Variants in AURKB observed in about 807,000 individuals in gnomAD.
AURKB encodes aurora kinase B.
In AURKB, 28 loss-of-function variants were observed where a neutral mutation model predicts 36.5. That is an observed-to-expected ratio of 0.77 (90% CI 0.57 to 1.05). The LOEUF is 1.05. Among genes scored for constraint, AURKB ranks in the 50% least tolerant of loss-of-function variants. The pLI is 0.00. For missense variants in AURKB, 383 were observed against 447.4 expected, an observed-to-expected ratio of 0.86 and a Z score of 1.30; for synonymous variants, 175 against 172.9, an observed-to-expected ratio of 1.01 and a Z score of -0.09.
Position 8,206,373 on chromosome 17 carries a change from C to T in AURKB, c.686+118G>A, listed in dbSNP as rs1230060509. On this transcript the variant is annotated intron_variant, in intron 7 of 8. Coordinates refer to ENST00000585124, the MANE Select transcript of AURKB (RefSeq NM_004217.4). The surrounding 1 kb of genome is among the most constrained non-coding windows in gnomAD (Gnocchi z 4.2). Reference sequence around the variant, plus strand: ...CTCGAACTCCTGACCTCAGGTGATCCGCCCTCCTCGGCCTCCCAAAGTGCT... The same window carrying T: ...CTCGAACTCCTGACCTCAGGTGATCTGCCCTCCTCGGCCTCCCAAAGTGCT... 47 of 1,280,366 alleles carry T rather than the reference C, an allele frequency of 3.7e-5. No homozygotes were observed. The highest frequency in any genetic ancestry group is 4.5e-5 in the Non-Finnish European group (42 of 934,308). The allele number at this position is 1,280,366 out of a possible 1,614,324, so 79.3% of individuals were successfully genotyped here. A position where few individuals can be genotyped will look rare whatever the true frequency, so the allele number is the denominator to read the frequency against.
In AURKB at chr17:8,206,909, G is replaced by A. The variant is rs953149358; in HGVS notation, c.399-21C>T. 6 of 1,613,946 alleles carry A rather than the reference G, an allele frequency of 3.7e-6. No homozygotes were observed. In the African/African-American group the frequency reaches 6.7e-5, roughly 18 times the overall value. On this transcript the variant is annotated intron_variant, in intron 5 of 8. Transcript: ENST00000585124. The surrounding 1 kb of genome is among the most constrained non-coding windows in gnomAD (Gnocchi z 4.2). ...GATGGCTGGGGGAAGAGACAGAGGA[G>A]GCCTCAGGCCAAAGGCATAAAAGAG...
chr17:8,210,020 C>G, intron 2 of AURKB, 157 bp downstream of exon 2: 1 of 952,010 alleles, frequency 1.1e-6, no homozygotes, highest in East Asian at 2.5e-5. Flanking sequence ...CTACAAATGA[C>G]CAGAGCGGGT....
Position 8,204,895 on chromosome 17 carries a change from G to C in AURKB, c.1011C>G (p.Pro337=). 6.2e-7 allele frequency: 1 copy of C among 1,609,040 alleles called. No individual in the cohort carries two copies. Among genetic ancestry groups the C allele is most frequent in the Non-Finnish European group, 8.5e-7 (1 of 1,178,856 alleles). ...VRANSRRVLP[P]SALQSVA ...ATCAGGCGACAGATTGAAGGGCAGA[G>C]GGAGGCAGCACCCTCCGAGAGTTGG... Residue 337 remains proline, a synonymous_variant, in exon 9 of 9, where the codon CCC becomes CCG. Transcript: ENST00000585124.
At chr17:8,209,891 C>A in intron 2 of AURKB, 1 of 514,444 alleles carries the variant, frequency 1.9e-6, no homozygotes, top group Admixed American at 3.9e-5. Flanking sequence ...GCCTGAAGGC[C>A]AGGCCCTGCC....
chr17:8,209,295 G>T, intron 2 of AURKB, among the ~76,000 whole-genome samples: 1 of 152,228 alleles, frequency 6.6e-6, no homozygotes, highest in East Asian at 1.9e-4. Context: ...ACAGGCGTGA[G>T]CCACCTACCT....
Position 8,204,828 on chromosome 17 carries a change from A to C in AURKB, c.*43T>G. On this transcript the variant is annotated 3_prime_UTR_variant, in exon 9 of 9. Transcript: ENST00000585124. ...GATCCCTTCTTTCCCCTATACATAC[A>C]CAGACATACAAACACACGCACCCGA... The C allele has an allele frequency of 6.2e-7, 1 of 1,606,194 alleles. No individual in the cohort carries two copies. The highest frequency in any genetic ancestry group is 2.2e-5 in the East Asian group (1 of 44,844).
Position 8,207,764 on chromosome 17 carries a change from A to G in AURKB, c.125T>C (p.Met42Thr), listed in dbSNP as rs764267429. Residue 42 changes from methionine (M) to threonine (T), a missense_variant, in exon 3 of 9, where the codon ATG becomes ACG. Physicochemically the swap from Met to Thr is moderately conservative, Grantham distance 81 (BLOSUM62 -1). Coordinates refer to ENST00000585124, the MANE Select transcript of AURKB (RefSeq NM_004217.4). ...EPVTPSALVL[M>T]SRSNVQPTAA... ...TGTGGGCTGGACATTGGAGCGGCTC[A>G]TGAGGACAAGTGCAGATGGGGTGAC... The G allele has an allele frequency of 7.4e-6, 12 of 1,614,126 alleles. No homozygotes were observed. Among genetic ancestry groups the G allele is most frequent in the South Asian group, 2.2e-5 (2 of 91,076 alleles).
chr17:8,206,598 C>G lies in AURKB; in HGVS notation c.579G>C (p.Gly193=). 2 of 1,614,220 alleles carry G rather than the reference C, an allele frequency of 1.2e-6. No homozygotes were observed. Among genetic ancestry groups the G allele is most frequent in the Non-Finnish European group, 1.7e-6 (2 of 1,180,038 alleles). The change falls in exon 7 of 9, where the codon GGG becomes GGC. Residue 193 remains glycine, a synonymous_variant. Coordinates refer to ENST00000585124, the MANE Select transcript of AURKB (RefSeq NM_004217.4). This position sits in a 1 kb window ranked among gnomAD's most constrained non-coding sequence, Gnocchi z 4.2. ...TTATGTCTCTGTGAATCACCTTCTT[C>G]CCATGGCAGTACATTAGAGCATCTG... The part of the protein sequence containing the change: ...ELADALMYCH[G]KKVIHRDIKP...
intron 2 of AURKB, 51 bp from the exon 3 acceptor site, chr17:8,207,891 G>T: frequency 6.9e-7 from 1 of 1,453,502 alleles, no homozygotes; most frequent in Non-Finnish European, 9.4e-7. Context: ...TGATGACCGG[G>T]GTGGAATGTG....
chr17:8,205,379 A>G lies in AURKB; in HGVS notation c.698T>C (p.Met233Thr), dbSNP rs1362686724. 1.9e-6 allele frequency: 3 copies of G among 1,614,018 alleles called. No homozygotes were observed. Among genetic ancestry groups the G allele is most frequent in the Admixed American group, 1.7e-5 (1 of 60,008 alleles). Residue 233 changes from methionine (M) to threonine (T), a missense_variant, in exon 8 of 9, where the codon ATG becomes ACG. By Grantham distance (81) the Met-to-Thr change is moderately conservative. Transcript: ENST00000585124. ...VHAPSLRRKT[M>T]CGTLDYLPPE... ...GGGCAGGTAGTCCAGGGTGCCACACATTGTCTTCCTCCTGGGAGGGATAAG... is the reference window on the plus strand; with the variant it reads ...GGGCAGGTAGTCCAGGGTGCCACACGTTGTCTTCCTCCTGGGAGGGATAAG...
At chr17:8,205,147 C>T in intron 8 of AURKB, 69 bp downstream of exon 8, 1 of 1,552,924 alleles carries the variant, frequency 6.4e-7, no homozygotes, top group Non-Finnish European at 8.7e-7. Flanking sequence ...TGCAAATACA[C>T]TCTGCCCACC....
chr17:8,208,632 A>ATAAATAAATAAATAAATAAATAAATAAT (rs1555529387), intron 2 of AURKB, among the ~76,000 whole-genome samples: 1 of 137,922 alleles, frequency 7.3e-6, no homozygotes, highest in Admixed American at 7.1e-5. Flanking sequence ...AAATAAATAA[A>ATAAATAAATAAATAAATAAATAAATAAT]AAATAAATAA....
intron 2 of AURKB, among the ~76,000 whole-genome samples, chr17:8,209,099 C>T (rs1324006054): frequency 6.6e-6 from 1 of 151,310 alleles, no homozygotes; most frequent in East Asian, 1.9e-4. Context: ...CGGCTCACTG[C>T]AACCTCCACC....
intron 7 of AURKB, among the ~76,000 whole-genome samples, chr17:8,205,677 C>T (rs1346845428): frequency 6.6e-6 from 1 of 152,100 alleles, no homozygotes; most frequent in Admixed American, 6.6e-5. Flanking sequence ...TCTCTAATGC[C>T]CATCAGGCAT....
At position 8,206,948 on chromosome 17, in the gene AURKB, T is replaced by C; in HGVS notation, c.399-60A>G. The C allele has an allele frequency of 6.2e-7, 1 of 1,610,762 alleles. No homozygotes were observed. The highest frequency in any genetic ancestry group is 8.5e-7 in the Non-Finnish European group (1 of 1,179,260). ...GGCATAAAAGAGCTGGAAAAGATGA[T>C]AGGAGCAAACTGGGGTCAGACGTGG... On this transcript the variant is annotated intron_variant, in intron 5 of 8. Coordinates refer to ENST00000585124, the MANE Select transcript of AURKB (RefSeq NM_004217.4). The surrounding 1 kb of genome is among the most constrained non-coding windows in gnomAD (Gnocchi z 4.2).
Position 8,207,228 on chromosome 17 carries a change from CCTT to C in AURKB, c.343_345del (p.Lys115del), listed in dbSNP as rs750077492. ...CTGCGCAGCTGATGCTCCACGCCCT[CCTT>C]CTCTATCTGGGACTTGAAGAGGACC... On this transcript the variant is annotated inframe_deletion, in exon 5 of 9. Coordinates refer to ENST00000585124, the MANE Select transcript of AURKB (RefSeq NM_004217.4). The C allele has an allele frequency of 1.1e-4, 170 of 1,614,052 alleles. No individual in the cohort carries two copies. The highest frequency in any genetic ancestry group is 1.4e-4 in the Non-Finnish European group (160 of 1,180,032).
At chr17:8,210,297 G>C (rs940488577) in intron 1 of AURKB, 48 bp from the exon 2 acceptor site, 3 of 1,390,408 alleles carry the variant, frequency 2.2e-6, no homozygotes, top group South Asian at 2.5e-5. Flanking sequence ...AAAAGAGAGA[G>C]AGAGGGAGGG....
At chr17:8,205,855 C>A (rs972847243) in intron 7 of AURKB, among the ~76,000 whole-genome samples, 11 of 151,954 alleles carry the variant, frequency 7.2e-5, no homozygotes, top group African/African-American at 2.7e-4. Context: ...TCAAGTGATT[C>A]TCATGTCTCA....
chr17:8,206,813 G>T lies in AURKB; in HGVS notation c.474C>A (p.Pro158=). Reference sequence around the variant, plus strand: ...GCAGCTCCTTGTAGAGCTCCCCGCGGGGGGCATACTCTAGAATCAAGTAGA... The same window carrying T: ...GCAGCTCCTTGTAGAGCTCCCCGCGTGGGGCATACTCTAGAATCAAGTAGA... The part of the protein sequence containing the change: ...RRIYLILEYA[P]RGELYKELQK... Residue 158 remains proline (P), a synonymous_variant, in exon 6 of 9, where the codon CCC becomes CCA. Transcript: ENST00000585124. The surrounding 1 kb of genome is among the most constrained non-coding windows in gnomAD (Gnocchi z 4.2). 6.2e-7 allele frequency: 1 copy of T among 1,614,204 alleles called. No homozygotes were observed. Among genetic ancestry groups the T allele is most frequent in the Non-Finnish European group, 8.5e-7 (1 of 1,180,036 alleles).
Sources: allele counts gnomAD v4.1 joint callset (sites outside exome capture counted in the v4.1 genomes callset), GRCh38; gene constraint gnomAD v4.1.1; non-coding constraint Gnocchi (gnomAD v3.1); transcripts MANE v1.5; gene names NCBI Gene and HGNC (gene_info 2026-07-23, HGNC 2026-07-21).